KCNH7: variants seen among roughly 807,000 people sequenced by gnomAD.
KCNH7 encodes the protein potassium voltage-gated channel subfamily H member 7.
Under a neutral mutation model 120.8 loss-of-function variants are expected in KCNH7, and 49 were observed. The ratio of observed to expected loss-of-function variants is 0.41; its 90% CI spans 0.32 to 0.51. The LOEUF is 0.51. Ranked by LOEUF, KCNH7 falls within the 20% of genes least tolerant of loss-of-function variation. KCNH7 has a pLI of 0.38. For synonymous variants in KCNH7, 547 were observed against 516.1 expected (o/e 1.06, Z -0.81); for missense variants, 1,097 against 1,446.6 (o/e 0.76, Z 3.92).
chr2:162,713,843 G>A (rs1016780558), intron 2 of KCNH7, among the ~76,000 whole-genome samples: 2 of 152,064 alleles, frequency 1.3e-5, no homozygotes, highest in African/African-American at 4.8e-5. Context: ...CTGCCTCCCG[G>A]GTTCAAGTGA....
chr2:162,661,905 T>G (rs1418773515), intron 2 of KCNH7, among the ~76,000 whole-genome samples: 2 of 152,154 alleles, frequency 1.3e-5, no homozygotes, highest in African/African-American at 4.8e-5. Context: ...TTATTTTTTG[T>G]TTTTTTAAAT....
chr2:162,585,977 T>C (rs1460248341), intron 2 of KCNH7, among the ~76,000 whole-genome samples: 1 of 152,094 alleles, frequency 6.6e-6, no homozygotes, highest in Non-Finnish European at 1.5e-5. Context: ...TATTTTCACA[T>C]AATAAAATTT....
chr2:162,761,624 T>C (rs1358054931), intron 2 of KCNH7, among the ~76,000 whole-genome samples: 1 of 152,092 alleles, frequency 6.6e-6, no homozygotes, highest in Non-Finnish European at 1.5e-5. Context: ...GTAAGGAAAC[T>C]GTAGGTTAGA....
rs191590168 is a variant in KCNH7 at position 162,614,114 on chromosome 2, A to G, written c.308-77034T>C. Among the ~76,000 whole-genome samples, 90 of 152,214 alleles carry G rather than the reference A, an allele frequency of 5.9e-4. No individual in the cohort carries two copies. The East Asian group carries it at 0.011, about 18-fold the overall frequency. ...ACTTGTACATACCTGTGACAAAGCA[A>G]TTCTTTTCCAAAGTATGTAAACTAG... On this transcript the variant is annotated intron_variant, in intron 2 of 15. Transcript: ENST00000332142.
intron 2 of KCNH7, among the ~76,000 whole-genome samples, chr2:162,761,050 C>CA (rs1156340094): frequency 6.6e-6 from 1 of 152,020 alleles, no homozygotes; most frequent in Non-Finnish European, 1.5e-5. Flanking sequence ...TACATTACAG[C>CA]AAAAATAAGC....
chr2:162,377,358 T>C (rs1483312853), intron 14 of KCNH7, among the ~76,000 whole-genome samples: 1 of 151,546 alleles, frequency 6.6e-6, no homozygotes, highest in Admixed American at 6.6e-5. Flanking sequence ...AAATAATAAA[T>C]AGAGGCACTC....
At chr2:162,783,080 A>T (rs1574384289) in intron 2 of KCNH7, among the ~76,000 whole-genome samples, 1 of 152,102 alleles carries the variant, frequency 6.6e-6, no homozygotes, top group South Asian at 2.1e-4. Context: ...GGCTAGGCCC[A>T]CCACAAAGTC....
intron 15 of KCNH7, among the ~76,000 whole-genome samples, chr2:162,372,531 A>G (rs1685993163): frequency 6.6e-6 from 1 of 152,156 alleles, no homozygotes; most frequent in Non-Finnish European, 1.5e-5. Context: ...CTGAAAACAA[A>G]GAACAAAATA....
intron 2 of KCNH7, among the ~76,000 whole-genome samples, chr2:162,590,479 C>A (rs546996504): frequency 1.3e-5 from 2 of 152,198 alleles, no homozygotes; most frequent in Admixed American, 1.3e-4. Flanking sequence ...TGGATCATAC[C>A]TAACTTGACC....
At chr2:162,628,511 G>A (rs1683638914) in intron 2 of KCNH7, among the ~76,000 whole-genome samples, 1 of 151,948 alleles carries the variant, frequency 6.6e-6, no homozygotes, top group Non-Finnish European at 1.5e-5. Flanking sequence ...GTGTCATCAG[G>A]GTTTGTAGTA....
intron 2 of KCNH7, among the ~76,000 whole-genome samples, chr2:162,575,407 A>G (rs1427528349): frequency 6.6e-6 from 1 of 152,004 alleles, no homozygotes; most frequent in African/African-American, 2.4e-5. Context: ...CTCTTTCTAA[A>G]GTCTGGGACT....
At chr2:162,660,134 T>A (rs1333643187) in intron 2 of KCNH7, among the ~76,000 whole-genome samples, 1 of 152,156 alleles carries the variant, frequency 6.6e-6, no homozygotes. Context: ...TGATTTCCAC[T>A]CTAATTTCGT....
At chr2:162,397,843 A>G (rs1686959033) in intron 10 of KCNH7, among the ~76,000 whole-genome samples, 1 of 151,908 alleles carries the variant, frequency 6.6e-6, no homozygotes, top group South Asian at 2.1e-4. Context: ...CATTAAAGAG[A>G]TAAACTGATT....
intron 2 of KCNH7, among the ~76,000 whole-genome samples, chr2:162,545,802 T>A (rs1449299682): frequency 6.6e-6 from 1 of 152,306 alleles, no homozygotes; most frequent in African/African-American, 2.4e-5. Flanking sequence ...TTTTATGAGA[T>A]AACTCTGACA....
chr2:162,389,310 G>C (rs553705732), intron 12 of KCNH7, among the ~76,000 whole-genome samples: 2 of 152,046 alleles, frequency 1.3e-5, no homozygotes, highest in African/African-American at 4.8e-5. Context: ...GGAAGGAAAA[G>C]CTCAGCATTC....
At chr2:162,661,138 C>A (rs2105278026) in intron 2 of KCNH7, among the ~76,000 whole-genome samples, 1 of 152,236 alleles carries the variant, frequency 6.6e-6, no homozygotes, top group Non-Finnish European at 1.5e-5. Context: ...ATTACGATTC[C>A]AGTGCCCTAA....
chr2:162,512,341 T>G (rs551143612), intron 5 of KCNH7, among the ~76,000 whole-genome samples: 1 of 151,964 alleles, frequency 6.6e-6, no homozygotes, highest in Admixed American at 6.6e-5. Flanking sequence ...CTTTTGTGCC[T>G]CTGTCACATC....
At chr2:162,584,129 A>G (rs1029978134) in intron 2 of KCNH7, among the ~76,000 whole-genome samples, 1 of 152,154 alleles carries the variant, frequency 6.6e-6, no homozygotes, top group African/African-American at 2.4e-5. Context: ...ACTTAAATAC[A>G]TGCTTACTGC....
intron 2 of KCNH7, among the ~76,000 whole-genome samples, chr2:162,614,612 GA>G (rs1327360064): frequency 6.6e-6 from 1 of 151,104 alleles, no homozygotes; most frequent in Non-Finnish European, 1.5e-5. Flanking sequence ...TAATAGGATA[GA>G]AAAATCGATT....
Sources: allele counts gnomAD v4.1 joint callset (sites outside exome capture counted in the v4.1 genomes callset), GRCh38; gene constraint gnomAD v4.1.1; transcripts MANE v1.5; gene names NCBI Gene and HGNC (gene_info 2026-07-23, HGNC 2026-07-21).